The following RPF2 variants were observed in gnomAD, a reference collection of about 807,000 sequenced individuals.
RPF2 encodes the protein ribosome production factor 2 homolog, also known as brix domain containing 1.
A neutral mutation model predicts 38.9 loss-of-function variants in RPF2; 21 were observed. The ratio of observed to expected loss-of-function variants is 0.54; its 90% CI spans 0.38 to 0.78. The LOEUF (loss-of-function observed/expected upper bound fraction) is 0.78, where lower values mean the gene tolerates loss of function less well. Ranked by LOEUF, RPF2 falls within the 30% of genes least tolerant of loss-of-function variation. The pLI is 0.00. For synonymous variants in RPF2, 121 were observed against 126.2 expected, an observed-to-expected ratio of 0.96 and a Z score of 0.28; for missense variants, 314 against 358.1, an observed-to-expected ratio of 0.88 and a Z score of 0.99.
At chr6:111,016,994 T>G (rs537045720) in intron 8 of RPF2, among the ~76,000 whole-genome samples, 21 of 152,288 alleles carry the variant, frequency 1.4e-4, no homozygotes, top group African/African-American at 5.1e-4. Context: ...GAGCACCGGC[T>G]TGGGGGTAAG....
At chr6:110,989,612 G>T (rs1035664317) in intron 3 of RPF2, among the ~76,000 whole-genome samples, 1 of 149,984 alleles carries the variant, frequency 6.7e-6, no homozygotes, top group African/African-American at 2.5e-5. Context: ...ACCACGCCTG[G>T]CTAATTTTTG....
At chr6:110,991,306 T>G (rs1418268468) in intron 3 of RPF2, among the ~76,000 whole-genome samples, 1 of 152,152 alleles carries the variant, frequency 6.6e-6, no homozygotes, top group African/African-American at 2.4e-5. Flanking sequence ...TTAACTTTTT[T>G]TTTAGAGACG....
chr6:111,018,649 C>CT (rs1269497701), intron 8 of RPF2, among the ~76,000 whole-genome samples: 1 of 152,144 alleles, frequency 6.6e-6, no homozygotes, highest in Non-Finnish European at 1.5e-5. Flanking sequence ...ACATTTAGTT[C>CT]TTTTTCTCCA....
intron 6 of RPF2, among the ~76,000 whole-genome samples, chr6:111,003,745 G>A (rs976323088): frequency 2.6e-5 from 4 of 152,122 alleles, no homozygotes; most frequent in African/African-American, 9.7e-5. Flanking sequence ...GATTGCTTGA[G>A]CCCAGGAGTT....
intron 6 of RPF2, among the ~76,000 whole-genome samples, chr6:111,003,123 T>C (rs113240470): frequency 1.4e-5 from 2 of 145,972 alleles, no homozygotes; most frequent in East Asian, 2.1e-4. Flanking sequence ...AACACCAGTG[T>C]CACCAATACC....
intron 4 of RPF2, among the ~76,000 whole-genome samples, chr6:110,995,784 A>C (rs186810114): frequency 6.6e-6 from 1 of 152,174 alleles, no homozygotes; most frequent in Admixed American, 6.6e-5. Flanking sequence ...GGAAGTCTGT[A>C]CTTCTGAGAA....
chr6:111,024,330 A>G lies in RPF2; in HGVS notation c.741+3A>G, dbSNP rs1477599874. Reference sequence around the variant, plus strand: ...TGAAAATGCCAAAAGCTCTCAAGGTATATAACTTAGAGCTTGGTACCACAT... The same window carrying G: ...TGAAAATGCCAAAAGCTCTCAAGGTGTATAACTTAGAGCTTGGTACCACAT... On this transcript the variant is annotated splice_donor_region_variant and intron_variant, in intron 9 of 9. Transcript: ENST00000441448. 6 of 1,597,710 alleles carry G rather than the reference A, an allele frequency of 3.8e-6. No homozygotes were observed. Among genetic ancestry groups the G allele is most frequent in the Admixed American group, 1.8e-5 (1 of 55,052 alleles).
chr6:110,997,395 A>G (rs1357423953), intron 5 of RPF2, 131 bp downstream of exon 5: 2 of 615,516 alleles, frequency 3.2e-6, no homozygotes, highest in African/African-American at 1.9e-5. Flanking sequence ...AGGCATAGGC[A>G]GAGTAAGAGA....
At chr6:110,985,233 T>C in intron 2 of RPF2, 95 bp downstream of exon 2, 1 of 1,107,038 alleles carries the variant, frequency 9.0e-7, no homozygotes. Context: ...GTAGATAAGC[T>C]TGCCTTACCA....
intron 8 of RPF2, among the ~76,000 whole-genome samples, chr6:111,019,775 G>C (rs533729597): frequency 6.6e-6 from 1 of 152,138 alleles, no homozygotes; most frequent in Non-Finnish European, 1.5e-5. Flanking sequence ...TTACCTTCAG[G>C]CTATGTATAT....
At chr6:111,022,233 C>A (rs1772246693) in intron 8 of RPF2, among the ~76,000 whole-genome samples, 1 of 152,180 alleles carries the variant, frequency 6.6e-6, no homozygotes, top group Non-Finnish European at 1.5e-5. Context: ...AACAGACTTT[C>A]AGCCAGAGAA....
At chr6:111,000,411 A>T (rs1187268783) in intron 6 of RPF2, among the ~76,000 whole-genome samples, 1 of 152,172 alleles carries the variant, frequency 6.6e-6, no homozygotes, top group African/African-American at 2.4e-5. Context: ...CCTCTGAATT[A>T]TCACAGCACC....
chr6:111,026,343 G>A lies in RPF2; in HGVS notation c.*761G>A, dbSNP rs1241927639. On this transcript the variant is annotated 3_prime_UTR_variant, in exon 10 of 10. Coordinates refer to ENST00000441448, the MANE Select transcript of RPF2 (RefSeq NM_032194.3). The stretch of plus-strand genomic sequence containing the variant: ...CTGCCTGAGCCTCTTACGTAGCTGG[G>A]ATTACAGGCATGAGCCACTGAGCCC... The A allele has an allele frequency of 6.6e-6, 1 of 152,110 alleles. No individual in the cohort carries two copies. The highest frequency in any genetic ancestry group is 1.5e-5 in the Non-Finnish European group (1 of 68,146). The allele number at this position is 152,110 out of a possible 1,614,324, so 9.4% of individuals were successfully genotyped here.
chr6:110,983,764 G>C lies in RPF2; in HGVS notation c.24-1242G>C, dbSNP rs1004987127. Among the ~76,000 whole-genome samples the C allele has an allele frequency of 2.6e-5, 4 of 151,494 alleles. No homozygotes were observed. In the East Asian group the frequency reaches 8.0e-4, roughly 30 times the overall value. ...TTGTAACTCGCGCGTGGAGGCTCAC[G>C]CCTGTAATCCCAGCACTTTGGGAGG... On this transcript the variant is annotated intron_variant, in intron 1 of 9. Transcript: ENST00000441448.
Position 111,025,567 on chromosome 6 carries a change from A to G in RPF2, c.906A>G (p.Arg302=). 6.2e-7 allele frequency: 1 copy of G among 1,604,748 alleles called. No individual in the cohort carries two copies. The highest frequency in any genetic ancestry group is 8.5e-7 in the Non-Finnish European group (1 of 1,177,536). Residue 302 remains arginine (R), a synonymous_variant, in exon 10 of 10, where the codon AGA becomes AGG. Transcript: ENST00000441448. Reference sequence around the variant, plus strand: ...AAGACCACGAGAAAAAGTCAAAAAGAATTAAAAAAAATTGATGGAACTTAG... The same window carrying G: ...AAGACCACGAGAAAAAGTCAAAAAGGATTAAAAAAAATTGATGGAACTTAG... The part of the protein sequence containing the change: ...ITEDHEKKSK[R]IKKN
At chr6:111,020,774 C>G (rs761419296) in intron 8 of RPF2, among the ~76,000 whole-genome samples, 13 of 151,998 alleles carry the variant, frequency 8.6e-5, no homozygotes, top group African/African-American at 1.4e-4. Flanking sequence ...TGCAGGAGAA[C>G]CCGGGAGGCA....
intron 8 of RPF2, among the ~76,000 whole-genome samples, chr6:111,019,205 C>A (rs1200696670): frequency 6.6e-6 from 1 of 152,148 alleles, no homozygotes; most frequent in African/African-American, 2.4e-5. Flanking sequence ...TGGAGAAACC[C>A]TGTCTCTATT....
At chr6:110,998,532 T>C (rs1289380073) in intron 5 of RPF2, among the ~76,000 whole-genome samples, 1 of 152,176 alleles carries the variant, frequency 6.6e-6, no homozygotes, top group Non-Finnish European at 1.5e-5. Context: ...TTTTATTCAA[T>C]GTCACAAGGT....
At position 111,026,140 on chromosome 6, in the gene RPF2, A is replaced by C. The variant is rs924956736; in HGVS notation, c.*558A>C. ...TTATTGATAAATTACACTACTGTTG[A>C]TTGTTTTAAGAGACTCTACTACTAA... is the stretch of plus-strand genomic sequence containing the variant. On this transcript the variant is annotated 3_prime_UTR_variant, in exon 10 of 10. Coordinates refer to ENST00000441448, the MANE Select transcript of RPF2 (RefSeq NM_032194.3). The C allele has an allele frequency of 1.3e-5, 2 of 152,170 alleles. No individual in the cohort carries two copies. Among genetic ancestry groups the C allele is most frequent in the East Asian group, 1.9e-4 (1 of 5,196 alleles). The allele number at this position is 152,170 out of a possible 1,614,324, so 9.4% of individuals were successfully genotyped here.
Sources: gnomAD v4.1 joint callset for allele counts (sites outside exome capture counted in the v4.1 genomes callset) on GRCh38, gnomAD v4.1.1 for gene constraint, MANE v1.5 for transcripts, NCBI Gene and HGNC (gene_info 2026-07-23, HGNC 2026-07-21) for gene names.